The following BNC2 variants were observed in gnomAD, a reference collection of about 807,000 sequenced individuals.
BNC2 encodes basonuclin zinc finger protein 2.
A neutral mutation model predicts 76.3 loss-of-function variants in BNC2; 20 were observed. That is an observed-to-expected ratio of 0.26 (90% CI 0.18 to 0.38). The LOEUF (loss-of-function observed/expected upper bound fraction) is 0.38. Among genes scored for constraint, BNC2 ranks in the 10% least tolerant of loss-of-function variants. The probability of loss-of-function intolerance (pLI) is 1.00; values close to 1 mark genes in which losing one functional copy is unlikely to be tolerated. For synonymous variants in BNC2, 582 were observed against 514.8 expected, an observed-to-expected ratio of 1.13 and a Z score of -1.77; for missense variants, 1,382 against 1,399.8, an observed-to-expected ratio of 0.99 and a Z score of 0.20.
chr9:16,856,290 C>G (rs1381709296), intron 1 of BNC2, among the ~76,000 whole-genome samples: 2 of 151,944 alleles, frequency 1.3e-5, no homozygotes, highest in African/African-American at 4.8e-5. Flanking sequence ...CACACACACA[C>G]ACACACACAC....
At chr9:16,681,403 T>C (rs1361286082) in intron 3 of BNC2, among the ~76,000 whole-genome samples, 2 of 152,116 alleles carry the variant, frequency 1.3e-5, no homozygotes, top group Admixed American at 6.5e-5. Flanking sequence ...CTGGCAGATG[T>C]GGAAAGGAGA....
intron 6 of BNC2, among the ~76,000 whole-genome samples, chr9:16,430,250 A>T (rs1820883544): frequency 6.6e-6 from 1 of 152,114 alleles, no homozygotes; most frequent in South Asian, 2.1e-4. Flanking sequence ...GCACAACTTC[A>T]TGTTGTAAGA....
chr9:16,697,378 A>C (rs1823369990), intron 3 of BNC2, among the ~76,000 whole-genome samples: 1 of 152,034 alleles, frequency 6.6e-6, no homozygotes, highest in Admixed American at 6.6e-5. Flanking sequence ...TTAATTAATT[A>C]AAGAGGTCGT....
intron 3 of BNC2, among the ~76,000 whole-genome samples, chr9:16,597,062 A>C (rs944655533): frequency 6.6e-5 from 10 of 152,112 alleles, no homozygotes; most frequent in African/African-American, 2.4e-4. Flanking sequence ...TATAGAAGTG[A>C]CACTGAATAA....
intron 1 of BNC2, among the ~76,000 whole-genome samples, chr9:16,820,988 G>A (rs982838680): frequency 2.6e-5 from 4 of 151,810 alleles, no homozygotes; most frequent in Non-Finnish European, 4.4e-5. Context: ...ATCCCAGAAC[G>A]TTGGGAGGCC....
chr9:16,429,298 A>T (rs1820860984), intron 6 of BNC2: 1 of 152,224 alleles, frequency 6.6e-6, no homozygotes, highest in African/African-American at 2.4e-5. Context: ...AACGGAACTT[A>T]CCTGAGTTAT....
intron 1 of BNC2, among the ~76,000 whole-genome samples, chr9:16,833,634 G>A (rs1818634766): frequency 6.6e-6 from 1 of 152,090 alleles, no homozygotes; most frequent in Non-Finnish European, 1.5e-5. Context: ...GGGAATTGCT[G>A]GTTATTTGGC....
Position 16,526,566 on chromosome 9 carries a change from T to G in BNC2, c.669+25964A>C, listed in dbSNP as rs1004481578. ...AGAAATCCTGTACTGCCAAGATATA[T>G]CCTCAGACAAAGAAATGTCCATTAG... On this transcript the variant is annotated intron_variant, in intron 5 of 6. Coordinates refer to ENST00000380672, the MANE Select transcript of BNC2 (RefSeq NM_017637.6). Among the ~76,000 whole-genome samples, 4 of 143,466 alleles carry G rather than the reference T, an allele frequency of 2.8e-5. No individual in the cohort carries two copies. The East Asian group carries it at 9.0e-4, about 32-fold the overall frequency. 94.1% of individuals were successfully genotyped at this position (143,466 alleles called of 152,430 possible). A position where few individuals can be genotyped will look rare whatever the true frequency, so the allele number is the denominator to read the frequency against.
chr9:16,444,487 T>C (rs1156428076), intron 5 of BNC2, among the ~76,000 whole-genome samples: 1 of 152,114 alleles, frequency 6.6e-6, no homozygotes, highest in Non-Finnish European at 1.5e-5. Context: ...TGGACATGTA[T>C]CAGAATGTGA....
At position 16,494,690 on chromosome 9, in the gene BNC2, G is replaced by C. The variant is rs562421526; in HGVS notation, c.670-57166C>G. Reference sequence around the variant, plus strand: ...GAGAGGAGATGCAGTCAGAGATGAAGGGAAAAGGAGACACGTCATGTAGGC... The same window carrying C: ...GAGAGGAGATGCAGTCAGAGATGAACGGAAAAGGAGACACGTCATGTAGGC... On this transcript the variant is annotated intron_variant, in intron 5 of 6. Transcript: ENST00000380672. Among the ~76,000 whole-genome samples, 3 of 152,264 alleles carry C rather than the reference G, an allele frequency of 2.0e-5. No individual in the cohort carries two copies. The East Asian group carries it at 5.8e-4, about 29-fold the overall frequency.
At chr9:16,782,758 C>A (rs1029089526) in intron 1 of BNC2, among the ~76,000 whole-genome samples, 1 of 152,180 alleles carries the variant, frequency 6.6e-6, no homozygotes, top group African/African-American at 2.4e-5. Flanking sequence ...CCCTACCAGA[C>A]TCTAAGATAC....
chr9:16,464,910 A>C (rs1284260215), intron 5 of BNC2, among the ~76,000 whole-genome samples: 1 of 152,216 alleles, frequency 6.6e-6, no homozygotes, highest in Non-Finnish European at 1.5e-5. Flanking sequence ...CTATATGCTT[A>C]CACCTAAATA....
intron 1 of BNC2, among the ~76,000 whole-genome samples, chr9:16,795,366 C>T (rs1476393989): frequency 6.8e-6 from 1 of 146,292 alleles, no homozygotes; most frequent in Non-Finnish European, 1.5e-5. Flanking sequence ...ATGATGACTG[C>T]TAACTGCTAA....
rs140859942 is a variant in BNC2, at chr9:16,764,777, A to G, written c.4-26292T>C. 2.8e-3 allele frequency among the ~76,000 whole-genome samples: 427 copies of G among 151,444 alleles called. 10 individuals carry two copies. Among genetic ancestry groups the G allele is most frequent in the South Asian group, 0.02 (96 of 4,800 alleles). On this transcript the variant is annotated intron_variant, in intron 1 of 6. Transcript: ENST00000380672. The stretch of plus-strand genomic sequence containing the variant: ...TAAGAAGCAATTATCTTTCTACTTT[A>G]AAAATCAAATTTTAAGATTTGGTAG...
rs1817816228 is a variant in BNC2 at position 16,526,737 on chromosome 9, G to C, written c.669+25793C>G. Among the ~76,000 whole-genome samples, 6 of 152,088 alleles carry C rather than the reference G, an allele frequency of 3.9e-5. No homozygotes were observed. In the South Asian group the frequency reaches 1.2e-3, roughly 32 times the overall value. The stretch of plus-strand genomic sequence containing the variant: ...ACCATGATATGTCAATGGAAAGTGA[G>C]TTCATAAAAAATAAATTCTCATTCT... On this transcript the variant is annotated intron_variant, in intron 5 of 6. Coordinates refer to ENST00000380672, the MANE Select transcript of BNC2 (RefSeq NM_017637.6).
chr9:16,468,645 C>T (rs1821749077), intron 5 of BNC2, among the ~76,000 whole-genome samples: 1 of 152,054 alleles, frequency 6.6e-6, no homozygotes, highest in South Asian at 2.1e-4. Flanking sequence ...CCCACCTCGG[C>T]CTCCCAAAGT....
intron 1 of BNC2, among the ~76,000 whole-genome samples, chr9:16,818,877 G>A (rs577046799): frequency 1.5e-5 from 1 of 65,966 alleles, no homozygotes; most frequent in Non-Finnish European, 3.7e-5. Context: ...TTTTAAAGCG[G>A]TTAAGAAGTA....
At chr9:16,711,302 G>T (rs1345222514) in intron 3 of BNC2, among the ~76,000 whole-genome samples, 1 of 152,140 alleles carries the variant, frequency 6.6e-6, no homozygotes, top group East Asian at 1.9e-4. Flanking sequence ...CAAAGATCAG[G>T]GGAATTATCT....
rs112265304 is a variant in BNC2, at chr9:16,482,112, A to G, written c.670-44588T>C. Among the ~76,000 whole-genome samples, 1,256 of 152,354 alleles carry G rather than the reference A, an allele frequency of 8.2e-3. 25 individuals are homozygous for G. The highest frequency in any genetic ancestry group is 0.028 in the African/African-American group (1,173 of 41,582). ...GTCAGTAATAAAAATATTAGTAATA[A>G]TAGAAGACCAATATATGTCAATAAT... On this transcript the variant is annotated intron_variant, in intron 5 of 6. Transcript: ENST00000380672.
Sources: allele counts gnomAD v4.1 joint callset (sites outside exome capture counted in the v4.1 genomes callset), GRCh38; gene constraint gnomAD v4.1.1; transcripts MANE v1.5; gene names NCBI Gene and HGNC (gene_info 2026-07-23, HGNC 2026-07-21).